Variants in CABP1 observed in about 807,000 individuals in gnomAD.
CABP1 encodes calcium binding protein 1, also known as calcium-binding protein 1.
In CABP1, 17 loss-of-function variants were observed where a neutral mutation model predicts 34.3. The ratio of observed to expected loss-of-function variants is 0.50; its 90% CI spans 0.34 to 0.74. The LOEUF is 0.74. Among genes scored for constraint, CABP1 ranks in the 30% least tolerant of loss-of-function variants. The pLI, the probability that CABP1 is intolerant of heterozygous loss-of-function variation, is 0.01. For missense variants in CABP1, 373 were observed against 511.1 expected (o/e 0.73, Z 2.61); for synonymous variants, 198 against 229.2 (o/e 0.86, Z 1.23).
At chr12:120,680,818 A>G in the CABP1 span, among the ~76,000 whole-genome samples, 1 of 151,626 alleles carries the variant, frequency 6.6e-6, no homozygotes, top group African/African-American at 2.4e-5. Flanking sequence ...CAACCCTATC[A>G]AGGCTCATGC....
At position 120,641,468 on chromosome 12, in the gene CABP1, C is replaced by T; in HGVS notation, c.654+129C>T. ...CGGATCACGCCTCGGCTCACCTCGT[C>T]CTCCCCGGGCCGGCGCCCTTGCCGG... On this transcript the variant is annotated intron_variant, in intron 1 of 5. Transcript: ENST00000316803. The surrounding 1 kb of genome is among the most constrained non-coding windows in gnomAD (Gnocchi z 6.7). 1.9e-6 allele frequency: 2 copies of T among 1,038,886 alleles called. No homozygotes were observed. Among genetic ancestry groups the T allele is most frequent in the Admixed American group, 4.3e-5 (1 of 23,344 alleles). The allele number at this position is 1,038,886 out of a possible 1,614,324, so 64.4% of individuals were successfully genotyped here.
At chr12:120,655,979 T>G (rs1332787635) in intron 1 of CABP1, 1 of 1,559,588 alleles carries the variant, frequency 6.4e-7, no homozygotes, top group Non-Finnish European at 8.7e-7. Context: ...TGAACCCCGC[T>G]CCTTGACTCT....
chr12:120,677,653 T>G, the CABP1 span, among the ~76,000 whole-genome samples: 374 of 152,256 alleles, frequency 2.5e-3, 3 homozygotes, highest in African/African-American at 8.5e-3. Flanking sequence ...GCGATCCACC[T>G]GCCTCAGCCT....
chr12:120,646,353 T>G (rs1879536846), intron 1 of CABP1, among the ~76,000 whole-genome samples: 1 of 152,080 alleles, frequency 6.6e-6, no homozygotes, highest in African/African-American at 2.4e-5. Flanking sequence ...CAGCAATGAG[T>G]TTATCCTTCT....
the CABP1 span, among the ~76,000 whole-genome samples, chr12:120,680,004 T>C: frequency 6.6e-6 from 1 of 152,250 alleles, no homozygotes; most frequent in South Asian, 2.1e-4. Context: ...AAACCCCATC[T>C]CTACTAGAAG....
chr12:120,650,533 CG>C (rs1373424386), intron 1 of CABP1: 2 of 1,598,892 alleles, frequency 1.3e-6, no homozygotes, highest in Admixed American at 1.7e-5. Flanking sequence ...ACGGCACAGA[CG>C]GAGGGAGGCT....
In CABP1 at chr12:120,655,808, TG is replaced by T. The variant is rs764781394; in HGVS notation, c.655-4069del. 6 of 1,509,870 alleles carry T rather than the reference TG, an allele frequency of 4.0e-6. No individual in the cohort carries two copies. The South Asian group carries it at 7.3e-5, about 18-fold the overall frequency. The allele number at this position is 1,509,870 out of a possible 1,614,324, so 93.5% of individuals were successfully genotyped here. A position where few individuals can be genotyped will look rare whatever the true frequency, so the allele number is the denominator to read the frequency against. Reference sequence around the variant, plus strand: ...ACTTGGGTGTGTGATTCTGTGCATATGTATGTGCCAGTGCGTGCGTGCGTGT... The same window carrying T: ...ACTTGGGTGTGTGATTCTGTGCATATTATGTGCCAGTGCGTGCGTGCGTGT... On this transcript the variant is annotated intron_variant, in intron 1 of 5. Transcript: ENST00000316803.
chr12:120,642,440 T>TC (rs1290268081), intron 1 of CABP1, among the ~76,000 whole-genome samples: 1 of 152,226 alleles, frequency 6.6e-6, no homozygotes, highest in African/African-American at 2.4e-5. Context: ...AAAATACTAC[T>TC]CGGCAGTGGC....
chr12:120,673,639 GCTAT>G, the CABP1 span, among the ~76,000 whole-genome samples: 1 of 152,078 alleles, frequency 6.6e-6, no homozygotes, highest in Admixed American at 6.6e-5. Flanking sequence ...TCAGGAGCCA[GCTAT>G]CTGGTTTCCA....
chr12:120,656,406 T>A (rs1432589278), intron 1 of CABP1: 2 of 772,816 alleles, frequency 2.6e-6, no homozygotes, highest in African/African-American at 1.7e-5. Context: ...TTTCCACTCA[T>A]GGCTACAAAG....
rs2137323091 is a variant in CABP1, at chr12:120,641,260, A to G, written c.575A>G (p.Asp192Gly). The change falls in exon 1 of 6, where the codon GAC (aspartate) becomes GGC (glycine). Residue 192 changes from aspartate (D) to glycine (G), a missense_variant. Around this residue, in one of 4 missense-constraint regions of CABP1, gnomAD observed 121 missense variants for 125.5 expected, o/e 0.96. Coordinates refer to ENST00000316803, the MANE Select transcript of CABP1 (RefSeq NM_001033677.2). The surrounding 1 kb of genome is among the most constrained non-coding windows in gnomAD (Gnocchi z 6.7). ...TCTCTGCGAGCCCGGGGCCGCGGGGACTCCGTTCCAGCCGCCGCGTCCGAG... is the reference window on the plus strand; with the variant it reads ...TCTCTGCGAGCCCGGGGCCGCGGGGGCTCCGTTCCAGCCGCCGCGTCCGAG... Reference protein sequence around the residue: ...RGSLRARGRGDSVPAAASEAD... With the variant: ...RGSLRARGRGGSVPAAASEAD... 1 of 1,250,088 alleles carries G rather than the reference A, an allele frequency of 8.0e-7. No individual in the cohort carries two copies. The highest frequency in any genetic ancestry group is 4.2e-5 in the Admixed American group (1 of 23,806). 77.4% of individuals were successfully genotyped at this position (1,250,088 alleles called of 1,614,324 possible). A position where few individuals can be genotyped will look rare whatever the true frequency, so the allele number is the denominator to read the frequency against.
chr12:120,678,551 C>T, the CABP1 span, among the ~76,000 whole-genome samples: 4 of 152,288 alleles, frequency 2.6e-5, no homozygotes, highest in East Asian at 7.7e-4. Flanking sequence ...GGGCCAGGCA[C>T]GCTGTGAATG....
At chr12:120,655,758 C>A in intron 1 of CABP1, 5 of 1,472,010 alleles carry the variant, frequency 3.4e-6, no homozygotes, top group Non-Finnish European at 4.5e-6. Flanking sequence ...AATAGAAGCC[C>A]CCCGCTGCCC....
intron 5 of CABP1, among the ~76,000 whole-genome samples, chr12:120,663,539 G>C (rs1252309227): frequency 6.6e-6 from 1 of 152,186 alleles, no homozygotes; most frequent in Admixed American, 6.5e-5. Flanking sequence ...GCCTCCCAAA[G>C]TGCTGGGATT....
At chr12:120,644,049 C>T (rs1048266951) in intron 1 of CABP1, among the ~76,000 whole-genome samples, 2 of 152,196 alleles carry the variant, frequency 1.3e-5, no homozygotes, top group African/African-American at 4.8e-5. Context: ...TGCATGGAGA[C>T]AGCGTGGTTT....
chr12:120,680,388 C>G, the CABP1 span, among the ~76,000 whole-genome samples: 3 of 152,148 alleles, frequency 2.0e-5, no homozygotes, highest in Non-Finnish European at 4.4e-5. Context: ...TCTGTCTGAC[C>G]CCCAAATCTT....
chr12:120,679,412 C>T, the CABP1 span, among the ~76,000 whole-genome samples: 1 of 152,324 alleles, frequency 6.6e-6, no homozygotes, highest in Admixed American at 6.5e-5. Flanking sequence ...GGGAACATGA[C>T]CTAGTTTTCC....
At chr12:120,643,337 T>C (rs1310981766) in intron 1 of CABP1, among the ~76,000 whole-genome samples, 3 of 152,230 alleles carry the variant, frequency 2.0e-5, no homozygotes, top group African/African-American at 7.2e-5. Context: ...GCTGGGACTT[T>C]CGTGTCAGAG....
chr12:120,640,950 G>C lies in CABP1; in HGVS notation c.265G>C (p.Gly89Arg), dbSNP rs1481780109. The C allele has an allele frequency of 8.8e-7, 1 of 1,135,970 alleles. No homozygotes were observed. Among genetic ancestry groups the C allele is most frequent in the Non-Finnish European group, 1.1e-6 (1 of 927,074 alleles). 70.4% of individuals were successfully genotyped at this position (1,135,970 alleles called of 1,614,324 possible). Residue 89 changes from glycine (G) to arginine (R), a missense_variant, in exon 1 of 6, where the codon GGC becomes CGC. Transcript: ENST00000316803. The surrounding 1 kb of genome is among the most constrained non-coding windows in gnomAD (Gnocchi z 6.2). ...ASGGSRAPRH[G>R]PARDPGLPSR... ...CGGGGGCAGCCGGGCTCCCCGCCAC[G>C]GCCCTGCCCGGGACCCGGGGCTGCC...
Sources: gnomAD v4.1 joint callset for allele counts (sites outside exome capture counted in the v4.1 genomes callset) on GRCh38, gnomAD v4.1.1 for gene constraint, gnomAD v4.1.1 regional missense constraint, Gnocchi (gnomAD v3.1) non-coding constraint, MANE v1.5 for transcripts, NCBI Gene and HGNC (gene_info 2026-07-23, HGNC 2026-07-21) for gene names.